CNGB1: variants seen among roughly 807,000 people sequenced by gnomAD.
CNGB1 encodes cyclic nucleotide gated channel subunit beta 1.
Under a neutral mutation model 151.7 loss-of-function variants are expected in CNGB1, and 126 were observed. The ratio of observed to expected loss-of-function variants is 0.83; its 90% confidence interval spans 0.72 to 0.96. CNGB1 has a LOEUF of 0.96. Among genes scored for constraint, CNGB1 ranks in the 40% least tolerant of loss-of-function variants. The pLI is 0.00. For synonymous variants in CNGB1, 623 were observed against 635.1 expected (o/e 0.98, Z 0.29); for missense variants, 1,698 against 1,627.0 (o/e 1.04, Z -0.75).
chr16:57,953,553 A>G (rs1271081812), intron 12 of CNGB1, among the ~76,000 whole-genome samples: 2 of 151,148 alleles, frequency 1.3e-5, no homozygotes, highest in African/African-American at 4.9e-5. Context: ...CCCTGCTTCC[A>G]GGATCAGCAG....
At position 57,897,495 on chromosome 16, in the gene CNGB1, C is replaced by T. The variant is rs1269039247; in HGVS notation, c.3144G>A (p.Ala1048=). The T allele has an allele frequency of 3.1e-6, 5 of 1,613,960 alleles. No homozygotes were observed. Among genetic ancestry groups the T allele is most frequent in the African/African-American group, 2.7e-5 (2 of 74,902 alleles). ...GGATGAAGAGGTTGGTAAACCCGTGCGCCACCACGTTGGCCGTGCGCCGGT... is the reference window on the plus strand; with the variant it reads ...GGATGAAGAGGTTGGTAAACCCGTGTGCCACCACGTTGGCCGTGCGCCGGT... ...GGNRRTANVV[A]HGFTNLFILD... Residue 1048 remains alanine, a synonymous_variant, in exon 31 of 33, where the codon GCG becomes GCA. Transcript: ENST00000251102.
chr16:57,915,203 G>T, intron 23 of CNGB1, 46 bp downstream of exon 23: 1 of 1,491,712 alleles, frequency 6.7e-7, no homozygotes, highest in Non-Finnish European at 9.3e-7. Flanking sequence ...TCGGTGCAGA[G>T]CAGGGATGAG....
At chr16:57,892,141 T>TAAA (rs1265598311) in intron 31 of CNGB1, among the ~76,000 whole-genome samples, 2 of 150,630 alleles carry the variant, frequency 1.3e-5, no homozygotes, top group East Asian at 3.9e-4. Context: ...GTACAAGAGC[T>TAAA]AAAACCACAA....
At chr16:57,939,791 G>T (rs997686422) in intron 15 of CNGB1, among the ~76,000 whole-genome samples, 199 bp from the exon 16 acceptor site, 37 of 152,204 alleles carry the variant, frequency 2.4e-4, no homozygotes, top group African/African-American at 8.7e-4. Flanking sequence ...AGTGCACCCA[G>T]GACCTACGGG....
intron 29 of CNGB1, among the ~76,000 whole-genome samples, chr16:57,898,159 G>A (rs1208208982): frequency 6.6e-6 from 1 of 152,172 alleles, no homozygotes; most frequent in African/African-American, 2.4e-5. Flanking sequence ...GTTGCAGTGG[G>A]GGAGTTAGTG....
chr16:57,894,733 G>A (rs938625596), intron 31 of CNGB1, among the ~76,000 whole-genome samples: 7 of 152,358 alleles, frequency 4.6e-5, no homozygotes, highest in Admixed American at 4.6e-4. Context: ...TGGGGACAGG[G>A]AGAGTTGGGA....
intron 17 of CNGB1, among the ~76,000 whole-genome samples, chr16:57,925,605 G>T (rs765925526): frequency 2.0e-4 from 30 of 152,192 alleles, no homozygotes; most frequent in Admixed American, 7.9e-4. Flanking sequence ...TCGGTCTTTA[G>T]CTGTGACTCT....
At chr16:57,896,477 G>A (rs1381145662) in intron 31 of CNGB1, among the ~76,000 whole-genome samples, 1 of 152,102 alleles carries the variant, frequency 6.6e-6, no homozygotes, top group Non-Finnish European at 1.5e-5. Flanking sequence ...CACTTTGGGA[G>A]GCCGAGGGGG....
chr16:57,935,587 G>A (rs1404351108), intron 16 of CNGB1, among the ~76,000 whole-genome samples: 1 of 151,920 alleles, frequency 6.6e-6, no homozygotes, highest in Middle Eastern at 3.2e-3. Context: ...GGCGGATGTT[G>A]CAGTGAGCCG....
intron 25 of CNGB1, among the ~76,000 whole-genome samples, chr16:57,905,591 T>C (rs1960528378): frequency 1.3e-5 from 2 of 152,246 alleles, no homozygotes; most frequent in South Asian, 2.1e-4. Context: ...CCCCCGAAAT[T>C]CAGGCATTGG....
At chr16:57,906,300 TAGA>T (rs1430326933) in intron 25 of CNGB1, among the ~76,000 whole-genome samples, 1 of 152,212 alleles carries the variant, frequency 6.6e-6, no homozygotes, top group Non-Finnish European at 1.5e-5. Flanking sequence ...AATGAGGTGC[TAGA>T]AGAAGCCTGG....
At chr16:57,920,358 AG>A (rs747419267) in intron 19 of CNGB1, 28 bp downstream of exon 19, 1 of 1,613,504 alleles carries the variant, frequency 6.2e-7, no homozygotes, top group Non-Finnish European at 8.5e-7. Flanking sequence ...ATCCCCATCC[AG>A]GTAGACCCCC....
intron 14 of CNGB1, among the ~76,000 whole-genome samples, chr16:57,941,346 A>C (rs1961662619): frequency 6.6e-6 from 1 of 152,170 alleles, no homozygotes; most frequent in Non-Finnish European, 1.5e-5. Context: ...AGGAAACTTG[A>C]ATGCATCATT....
At chr16:57,953,263 G>T (rs545527889) in intron 12 of CNGB1, among the ~76,000 whole-genome samples, 3 of 152,108 alleles carry the variant, frequency 2.0e-5, no homozygotes, top group Non-Finnish European at 4.4e-5. Context: ...TTGGGAGGCC[G>T]AGGTCGGCAG....
intron 18 of CNGB1, among the ~76,000 whole-genome samples, chr16:57,921,635 A>C (rs1450920758): frequency 1.3e-5 from 2 of 152,142 alleles, no homozygotes. Context: ...CCACCCAGCC[A>C]GGGATCACGT....
rs527678922 is a variant in CNGB1, at chr16:57,901,236, C to T, written c.2976+116G>A. Reference sequence around the variant, plus strand: ...AGCATGAAGCCGCAGACGCTCTTCTCCCTCCCCAACAATCTCGCTCTGCCC... The same window carrying T: ...AGCATGAAGCCGCAGACGCTCTTCTTCCTCCCCAACAATCTCGCTCTGCCC... On this transcript the variant is annotated intron_variant, in intron 29 of 32. Coordinates refer to ENST00000251102, the MANE Select transcript of CNGB1 (RefSeq NM_001297.5). 9.8e-6 allele frequency: 10 copies of T among 1,017,096 alleles called. No homozygotes were observed. In the Admixed American group the frequency reaches 1.2e-4, roughly 12 times the overall value. 63.0% of individuals were successfully genotyped at this position (1,017,096 alleles called of 1,614,324 possible). A position where few individuals can be genotyped will look rare whatever the true frequency, so the allele number is the denominator to read the frequency against.
rs1364410338 is a variant in CNGB1, at chr16:57,931,812, A to G, written c.1439T>C (p.Met480Thr). The G allele has an allele frequency of 1.2e-6, 2 of 1,614,016 alleles. No individual in the cohort carries two copies. Among genetic ancestry groups the G allele is most frequent in the East Asian group, 4.5e-5 (2 of 44,888 alleles). ...EDTDADSCPL[M>T]AEENPPSTVL... ...GGTTGAGGGTGGATTCTCTTCTGCC[A>G]TGAGGGGGCAGCTATCAGCATCAGT... The change falls in exon 17 of 33, where the codon ATG becomes ACG. Residue 480 changes from methionine to threonine, a missense_variant. Transcript: ENST00000251102.
intron 17 of CNGB1, among the ~76,000 whole-genome samples, chr16:57,928,226 C>T (rs1337640864): frequency 1.3e-5 from 2 of 152,212 alleles, no homozygotes; most frequent in African/African-American, 4.8e-5. Context: ...CACTCAGCAA[C>T]AAATTTATCT....
At chr16:57,914,610 C>T (rs1596973523) in intron 23 of CNGB1, among the ~76,000 whole-genome samples, 1 of 152,294 alleles carries the variant, frequency 6.6e-6, no homozygotes, top group African/African-American at 2.4e-5. Context: ...ATCCTGAATG[C>T]TCTGAGTGGC....
Sources: allele counts gnomAD v4.1 joint callset (sites outside exome capture counted in the v4.1 genomes callset), GRCh38; gene constraint gnomAD v4.1.1; transcripts MANE v1.5; gene names NCBI Gene and HGNC (gene_info 2026-07-23, HGNC 2026-07-21).